Variants in DOCK1 observed in about 807,000 individuals in gnomAD.
DOCK1 encodes the protein dedicator of cytokinesis 1, also known as dedicator of cytokinesis protein 1.
A neutral mutation model predicts 262.7 loss-of-function variants in DOCK1; 138 were observed. That is an observed-to-expected ratio of 0.53 (90% CI 0.46 to 0.61). The LOEUF (loss-of-function observed/expected upper bound fraction) is 0.61, where lower values mean the gene tolerates loss of function less well. DOCK1 is among the 20% of genes least tolerant of loss of function. DOCK1 has a pLI of 0.00. For missense variants in DOCK1, 1,908 were observed against 2,370.7 expected, an observed-to-expected ratio of 0.80 and a Z score of 4.05; for synonymous variants, 866 against 867.4, an observed-to-expected ratio of 1.00 and a Z score of 0.03.
intron 27 of DOCK1, among the ~76,000 whole-genome samples, chr10:127,148,125 G>A (rs58324969): frequency 0.091 from 13,802 of 151,150 alleles, 1,820 homozygotes; most frequent in African/African-American, 0.29. Context: ...ACAGCAATGC[G>A]TTTCACAAGC....
chr10:127,008,686 T>G, intron 10 of DOCK1, 46 bp from the exon 11 acceptor site: 1 of 1,475,282 alleles, frequency 6.8e-7, no homozygotes, highest in Non-Finnish European at 9.3e-7. Context: ...GTTCTGTGAT[T>G]ATAGCATTTA....
chr10:127,262,048 A>T (rs1282272804), intron 29 of DOCK1, among the ~76,000 whole-genome samples: 1 of 37,872 alleles, frequency 2.6e-5, no homozygotes. Context: ...GTGTGTGTGT[A>T]CCTGTGCTCT....
At position 126,981,951 on chromosome 10, in the gene DOCK1, G is replaced by A; in HGVS notation, c.205G>A (p.Glu69Lys). 1 of 1,613,260 alleles carries A rather than the reference G, an allele frequency of 6.2e-7. No homozygotes were observed. The highest frequency in any genetic ancestry group is 8.5e-7 in the Non-Finnish European group (1 of 1,179,734). The change falls in exon 4 of 52, where the codon GAA becomes AAA. Residue 69 changes from glutamate (E) to lysine (K), a missense_variant. Around this residue, in one of 9 missense-constraint regions of DOCK1, gnomAD observed 227 missense variants for 254.1 expected, o/e 0.89. Transcript: ENST00000623213. ...IFPASYIHLK[E>K]AIVEGKGQHE... ...TCCTGCTTCATATATTCATCTTAAA[G>A]AAGCGATAGTTGAAGGAAAAGGGTG...
intron 27 of DOCK1, among the ~76,000 whole-genome samples, chr10:127,238,687 C>T (rs888673241): frequency 1.3e-5 from 2 of 152,250 alleles, no homozygotes; most frequent in African/African-American, 4.8e-5. Context: ...GGGGAGCCTC[C>T]CCACACCACC....
chr10:127,233,549 G>A (rs372035520), intron 27 of DOCK1, among the ~76,000 whole-genome samples: 2 of 152,086 alleles, frequency 1.3e-5, no homozygotes, highest in South Asian at 2.1e-4. Flanking sequence ...GGTACCAGAT[G>A]GTCTTATTAA....
intron 19 of DOCK1, among the ~76,000 whole-genome samples, chr10:127,040,142 G>A (rs1180446099): frequency 6.6e-6 from 1 of 152,244 alleles, no homozygotes; most frequent in East Asian, 1.9e-4. Context: ...CCACCTGGGA[G>A]CCTGTTGGCA....
rs564166120 is a variant in DOCK1 at position 127,209,376 on chromosome 10, C to T, written c.2848-38632C>T. ...TCACCCTGTGTGGGAAAACCTCATC[C>T]GAGACTGGAGATTGAAAATAGGAGC... On this transcript the variant is annotated intron_variant, in intron 27 of 51. Coordinates refer to ENST00000623213, the MANE Select transcript of DOCK1 (RefSeq NM_001290223.2). Among the ~76,000 whole-genome samples, 8 of 152,210 alleles carry T rather than the reference C, an allele frequency of 5.3e-5. No homozygotes were observed. The South Asian group carries it at 1.0e-3, about 20-fold the overall frequency.
Position 127,437,427 on chromosome 10 carries a change from A to G in DOCK1, c.5061-1600A>G, listed in dbSNP as rs974257872. Among the ~76,000 whole-genome samples, 1 of 152,018 alleles carries G rather than the reference A, an allele frequency of 6.6e-6. No individual in the cohort carries two copies. Among genetic ancestry groups the G allele is most frequent in the African/African-American group, 2.4e-5 (1 of 41,382 alleles). ...CCATTATGGGACACACAACATGGAA[A>G]TAATCAACAGTGAGCAAATCAATGG... is the stretch of plus-strand genomic sequence containing the variant. On this transcript the variant is annotated intron_variant, in intron 48 of 51. Coordinates refer to ENST00000623213, the MANE Select transcript of DOCK1 (RefSeq NM_001290223.2). This position sits in a 1 kb window ranked among gnomAD's most constrained non-coding sequence, Gnocchi z 4.4.
At chr10:127,436,399 T>C (rs1016653804) in intron 48 of DOCK1, among the ~76,000 whole-genome samples, 2 of 152,146 alleles carry the variant, frequency 1.3e-5, no homozygotes, top group Non-Finnish European at 2.9e-5. Context: ...ATGCCTGTAG[T>C]CTCAGCTACC....
chr10:126,941,563 T>C lies in DOCK1; in HGVS notation c.47-29139T>C, dbSNP rs916729415. ...CGAGGTCAGGAGATCGAGACCATCCTGGCTAACACGGTGAAACCCTGTCTC... is the reference window on the plus strand; with the variant it reads ...CGAGGTCAGGAGATCGAGACCATCCCGGCTAACACGGTGAAACCCTGTCTC... On this transcript the variant is annotated intron_variant, in intron 1 of 51. Transcript: ENST00000623213. 8.1e-3 allele frequency among the ~76,000 whole-genome samples: 1,233 copies of C among 152,286 alleles called. 7 individuals carry two copies. Among genetic ancestry groups the C allele is most frequent in the South Asian group, 0.026 (124 of 4,826 alleles).
chr10:127,106,574 A>G (rs1442427816), intron 24 of DOCK1, among the ~76,000 whole-genome samples: 1 of 152,080 alleles, frequency 6.6e-6, no homozygotes, highest in Non-Finnish European at 1.5e-5. Context: ...CATTTTGCAT[A>G]CTTTGAGGTT....
At chr10:126,996,726 T>TA (rs1565044088) in intron 6 of DOCK1, 22 bp from the exon 7 acceptor site, 2 of 1,599,618 alleles carry the variant, frequency 1.3e-6, no homozygotes, top group Middle Eastern at 1.7e-4. Flanking sequence ...TCTGTGAACT[T>TA]ACTAAATTCT....
rs138150839 is a variant in DOCK1 at position 127,214,066 on chromosome 10, C to G, written c.2848-33942C>G. 1.3e-4 allele frequency among the ~76,000 whole-genome samples: 20 copies of G among 152,296 alleles called. No individual in the cohort carries two copies. In the East Asian group the frequency reaches 3.3e-3, roughly 25 times the overall value. ...GTTTCACTATGTTAGCCAGGATGGT[C>G]TCAATCACCTGACCTTGTGATCCAC... On this transcript the variant is annotated intron_variant, in intron 27 of 51. Transcript: ENST00000623213.
chr10:126,906,182 G>A (rs1387610342), intron 1 of DOCK1, among the ~76,000 whole-genome samples: 4 of 152,214 alleles, frequency 2.6e-5, no homozygotes, highest in African/African-American at 9.6e-5. Context: ...GTGGCCCCAG[G>A]CCTGGAGACC....
intron 33 of DOCK1, among the ~76,000 whole-genome samples, chr10:127,369,086 T>C (rs1327648023): frequency 1.3e-5 from 2 of 152,218 alleles, no homozygotes; most frequent in African/African-American, 2.4e-5. Flanking sequence ...GTCATCAGTG[T>C]TGCCGAGCTC....
intron 12 of DOCK1, among the ~76,000 whole-genome samples, chr10:127,017,258 C>T (rs1447589387): frequency 4.2e-5 from 6 of 143,506 alleles, no homozygotes; most frequent in Non-Finnish European, 9.1e-5. Flanking sequence ...GCCCCTTCCA[C>T]TCAGATATAC....
In DOCK1 at chr10:126,963,581, CTCCCTTCCCT is replaced by C. The variant is rs1201081887; in HGVS notation, c.47-7070_47-7061del. On this transcript the variant is annotated intron_variant, in intron 1 of 51. Transcript: ENST00000623213. ...GCTTCCCTCCTCTCCCTCTCCTTCC[CTCCCTTCCCT>C]TCCCTTCCCTTCCCTTCCCTTCCCT... Among the ~76,000 whole-genome samples the C allele has an allele frequency of 8.7e-4, 59 of 67,912 alleles. 1 individual carries two copies. The highest frequency in any genetic ancestry group is 1.3e-3 in the African/African-American group (28 of 22,206). 44.6% of individuals were successfully genotyped at this position (67,912 alleles called of 152,430 possible).
At chr10:127,053,339 C>G (rs2044880845) in intron 22 of DOCK1, among the ~76,000 whole-genome samples, 1 of 152,164 alleles carries the variant, frequency 6.6e-6, no homozygotes, top group Non-Finnish European at 1.5e-5. Context: ...GAGACTCCAT[C>G]TCAAAAACAA....
At chr10:127,172,637 C>T (rs1407006679) in intron 27 of DOCK1, among the ~76,000 whole-genome samples, 1 of 152,192 alleles carries the variant, frequency 6.6e-6, no homozygotes, top group Non-Finnish European at 1.5e-5. Flanking sequence ...TCTTTGCTAT[C>T]TGAGTCCAGA....
Sources: gnomAD v4.1 joint callset for allele counts (sites outside exome capture counted in the v4.1 genomes callset) on GRCh38, gnomAD v4.1.1 for gene constraint, gnomAD v4.1.1 regional missense constraint, Gnocchi (gnomAD v3.1) non-coding constraint, MANE v1.5 for transcripts, NCBI Gene and HGNC (gene_info 2026-07-23, HGNC 2026-07-21) for gene names.